Variants in CENPF observed in about 807,000 individuals in gnomAD.
The protein encoded by CENPF is AH antigen.
In CENPF, 214 loss-of-function variants were observed where a neutral mutation model predicts 307.3. That is an observed-to-expected ratio of 0.70 (90% CI 0.62 to 0.78). The LOEUF is 0.78. CENPF is among the 30% of genes least tolerant of loss of function. CENPF has a pLI of 0.00. For synonymous variants in CENPF, 1,259 were observed against 1,270.6 expected (o/e 0.99, Z 0.19); for missense variants, 3,401 against 3,483.9 (o/e 0.98, Z 0.60).
At chr1:214,636,544 G>A (rs373251868) in intron 10 of CENPF, among the ~76,000 whole-genome samples, 1 of 152,146 alleles carries the variant, frequency 6.6e-6, no homozygotes, top group Admixed American at 6.5e-5. Flanking sequence ...CATGAACGGA[G>A]CAGCTGCCAG....
At chr1:214,608,888 C>T (rs1200586645) in intron 1 of CENPF, 312 of 1,431,266 alleles carry the variant, frequency 2.2e-4, no homozygotes, top group Non-Finnish European at 2.8e-4. Flanking sequence ...CAGCCAACAA[C>T]GCCGCCCGGC....
At chr1:214,613,340 CT>C in intron 1 of CENPF, 1 of 243,652 alleles carries the variant, frequency 4.1e-6, no homozygotes. Flanking sequence ...TCTTCGAGTT[CT>C]TCCATCAGTT....
rs1416969250 is a variant in CENPF, at chr1:214,656,002, G to A, written c.8485+599G>A. 5.9e-5 allele frequency among the ~76,000 whole-genome samples: 9 copies of A among 152,200 alleles called. No individual in the cohort carries two copies. The East Asian group carries it at 9.6e-4, about 16-fold the overall frequency. ...CATTCTAAGAAGAGTTTTTTATGTC[G>A]ATGTCCAGTTACGTGGTTTCTTTGT... On this transcript the variant is annotated intron_variant, in intron 17 of 19. Transcript: ENST00000366955.
Position 214,641,655 on chromosome 1 carries a change from T to G in CENPF, c.3317T>G (p.Val1106Gly), listed in dbSNP as rs755394404. ...AATCTGATGCTAGAGTTGGAGACAG[T>G]GCAGCAAGCTCTGAGATCTGAGATG... ...NQNLMLELET[V>G]QQALRSEMTD... Residue 1106 changes from valine (V) to glycine (G), a missense_variant, in exon 12 of 20, where the codon GTG (valine) becomes GGG (glycine). By Grantham distance (109) the Val-to-Gly change is moderately radical (BLOSUM62 -3). Transcript: ENST00000366955. 6.3e-7 allele frequency: 1 copy of G among 1,581,802 alleles called. No homozygotes were observed. Among genetic ancestry groups the G allele is most frequent in the East Asian group, 2.3e-5 (1 of 44,426 alleles).
intron 10 of CENPF, 95 bp from the exon 11 acceptor site, chr1:214,637,771 C>T (rs1418934926): frequency 2.4e-6 from 3 of 1,249,618 alleles, no homozygotes; most frequent in East Asian, 5.2e-5. Context: ...TAGTGAGATA[C>T]ACAAACAGTT....
In CENPF at chr1:214,616,831, CTTCCTCTTTCTTTCTTTCTTTCT is replaced by C. The variant is rs1558170780; in HGVS notation, c.360-1738_360-1716del. Among the ~76,000 whole-genome samples the C allele has an allele frequency of 2.5e-4, 37 of 145,410 alleles. 1 individual carries two copies. Among genetic ancestry groups the C allele is most frequent in the African/African-American group, 9.7e-4 (37 of 38,332 alleles). On this transcript the variant is annotated intron_variant, in intron 3 of 19. Coordinates refer to ENST00000366955, the MANE Select transcript of CENPF (RefSeq NM_016343.4). ...CTTTCCTTCCTTCCTTCTTTCCTTC[CTTCCTCTTTCTTTCTTTCTTTCT>C]TTCTTTCTTTCTTTCTTTCTTTCTT...
chr1:214,656,957 A>G lies in CENPF; in HGVS notation c.8510A>G (p.Asp2837Gly). 6.2e-7 allele frequency: 1 copy of G among 1,610,150 alleles called. No homozygotes were observed. Among genetic ancestry groups the G allele is most frequent in the Middle Eastern group, 1.7e-4 (1 of 6,006 alleles). ...GGTACTGTTATGGATACCAAGGTCG[A>G]TGAATTAACAACTGAGATCAAAGAA... ...KTGTVMDTKVDELTTEIKELK... is the reference protein window; with the variant it reads ...KTGTVMDTKVGELTTEIKELK... Residue 2837 changes from aspartate (D) to glycine (G), a missense_variant, in exon 18 of 20, where the codon GAT becomes GGT. Transcript: ENST00000366955.
At position 214,615,352 on chromosome 1, in the gene CENPF, A is replaced by G. The variant is rs559048385; in HGVS notation, c.359+324A>G. ...TGGTCACTGAGTAATACAATAATAA[A>G]TAGTACTATCATACTATCAAATTGA... On this transcript the variant is annotated intron_variant, in intron 3 of 19. Coordinates refer to ENST00000366955, the MANE Select transcript of CENPF (RefSeq NM_016343.4). Among the ~76,000 whole-genome samples, 5 of 152,310 alleles carry G rather than the reference A, an allele frequency of 3.3e-5. No individual in the cohort carries two copies. The South Asian group carries it at 1.0e-3, about 32-fold the overall frequency.
At position 214,646,950 on chromosome 1, in the gene CENPF, C is replaced by A. The variant is rs1658323749; in HGVS notation, c.7380C>A (p.Asp2460Glu). The change falls in exon 13 of 20, where the codon GAC becomes GAA. Residue 2460 changes from aspartate to glutamate, a missense_variant. Coordinates refer to ENST00000366955, the MANE Select transcript of CENPF (RefSeq NM_016343.4). ...AGAGAGTGGCAGCCCTGCATAATGA[C>A]CAAGAAGCCTGTAAGGCCAAAGAGC... The part of the protein sequence containing the change: ...LNERVAALHN[D>E]QEACKAKEQN... The A allele has an allele frequency of 4.3e-6, 7 of 1,613,982 alleles. No individual in the cohort carries two copies. The highest frequency in any genetic ancestry group is 5.1e-6 in the Non-Finnish European group (6 of 1,179,950).
rs1658282825 is a variant in CENPF at position 214,645,911 on chromosome 1, T to A, written c.6341T>A (p.Val2114Glu). ...ALRLSSTQEEVHQLRRGIEKL... is the reference protein window; with the variant it reads ...ALRLSSTQEEEHQLRRGIEKL... ...AGGCTGAGCTCAACACAGGAGGAAG[T>A]GCATCAGCTGAGAAGAGGCATCGAG... The change falls in exon 13 of 20, where the codon GTG becomes GAG. Residue 2114 changes from valine to glutamate, a missense_variant. Physicochemically the swap from Val to Glu is moderately radical, Grantham distance 121 (BLOSUM62 -2). Transcript: ENST00000366955. The A allele has an allele frequency of 3.1e-6, 5 of 1,614,004 alleles. No individual in the cohort carries two copies. The highest frequency in any genetic ancestry group is 3.4e-6 in the Non-Finnish European group (4 of 1,180,002).
At position 214,645,274 on chromosome 1, in the gene CENPF, A is replaced by G; in HGVS notation, c.5704A>G (p.Asn1902Asp). 6.2e-7 allele frequency: 1 copy of G among 1,614,096 alleles called. No individual in the cohort carries two copies. The highest frequency in any genetic ancestry group is 8.5e-7 in the Non-Finnish European group (1 of 1,180,012). Residue 1902 changes from asparagine (N) to aspartate (D), a missense_variant, in exon 13 of 20, where the codon AAT becomes GAT. Asn to Asp is a conservative substitution (Grantham distance 23, BLOSUM62 1). Coordinates refer to ENST00000366955, the MANE Select transcript of CENPF (RefSeq NM_016343.4). Reference sequence around the variant, plus strand: ...GAAGGAGAGATTTCTTGATGTGGAAAATGAGCTGAGTAGGATCAGATCGGA... The same window carrying G: ...GAAGGAGAGATTTCTTGATGTGGAAGATGAGCTGAGTAGGATCAGATCGGA... Reference protein sequence around the residue: ...SWKERFLDVENELSRIRSEKA... With the variant: ...SWKERFLDVEDELSRIRSEKA...
At chr1:214,616,737 A>C (rs1003354156) in intron 3 of CENPF, among the ~76,000 whole-genome samples, 2 of 152,136 alleles carry the variant, frequency 1.3e-5, no homozygotes, top group African/African-American at 4.8e-5. Flanking sequence ...TAGCTCATAC[A>C]TTGCCTCTTC....
chr1:214,637,990 A>G lies in CENPF; in HGVS notation c.1571A>G (p.Glu524Gly). 6.2e-7 allele frequency: 1 copy of G among 1,608,852 alleles called. No individual in the cohort carries two copies. The highest frequency in any genetic ancestry group is 8.5e-7 in the Non-Finnish European group (1 of 1,178,858). ...QCLNQSQNFA[E>G]EMKAKNTSQE... The stretch of plus-strand genomic sequence containing the variant: ...TTAAATCAGAGCCAGAATTTTGCAG[A>G]AGAAATGAAAGGTAAGTAAACTTAG... The change falls in exon 11 of 20, where the codon GAA becomes GGA. Residue 524 changes from glutamate (E) to glycine (G), a missense_variant. Glu to Gly is a moderately conservative substitution (Grantham distance 98, BLOSUM62 -2). Transcript: ENST00000366955.
At position 214,632,512 on chromosome 1, in the gene CENPF, T is replaced by A. The variant is rs1657835960; in HGVS notation, c.1356T>A (p.Asn452Lys). 1.9e-6 allele frequency: 3 copies of A among 1,613,774 alleles called. No individual in the cohort carries two copies. The highest frequency in any genetic ancestry group is 2.2e-5 in the East Asian group (1 of 44,874). The change falls in exon 10 of 20, where the codon AAT (asparagine) becomes AAA (lysine). Residue 452 changes from asparagine to lysine, a missense_variant. Coordinates refer to ENST00000366955, the MANE Select transcript of CENPF (RefSeq NM_016343.4). ...LTSVKQQLEN[N>K]LEEFKQKLCR... is the part of the protein sequence containing the mutation. ...CAGTAAAGCAACAGCTAGAAAACAA[T>A]TTGGAAGAGTTTAAGCAAAAGTTGT...
intron 11 of CENPF, among the ~76,000 whole-genome samples, chr1:214,638,458 CTGAA>C: frequency 6.6e-6 from 1 of 152,296 alleles, no homozygotes; most frequent in East Asian, 1.9e-4. Context: ...ACTTACTTGA[CTGAA>C]TGATTTTATT....
At chr1:214,628,795 C>A (rs1020488690) in intron 7 of CENPF, among the ~76,000 whole-genome samples, 1 of 152,188 alleles carries the variant, frequency 6.6e-6, no homozygotes, top group African/African-American at 2.4e-5. Flanking sequence ...AGGCTAACAC[C>A]ATTGCATTTT....
intron 1 of CENPF, chr1:214,608,778 G>T: frequency 6.2e-7 from 1 of 1,600,884 alleles, no homozygotes; most frequent in Non-Finnish European, 8.5e-7. Flanking sequence ...TGGCAGCGAT[G>T]CGGCCGGGGC....
chr1:214,648,861 TG>T, intron 14 of CENPF, 34 bp downstream of exon 14: 1 of 1,602,240 alleles, frequency 6.2e-7, no homozygotes, highest in Non-Finnish European at 8.5e-7. Context: ...TATTATGATC[TG>T]TTAATTCATT....
At position 214,641,190 on chromosome 1, in the gene CENPF, T is replaced by A. The variant is rs1242570533; in HGVS notation, c.2852T>A (p.Leu951Gln). The A allele has an allele frequency of 1.1e-5, 18 of 1,607,288 alleles. No individual in the cohort carries two copies. Among genetic ancestry groups the A allele is most frequent in the Non-Finnish European group, 1.5e-5 (18 of 1,178,352 alleles). ...GAGCTACAACTTTTATCCGAAACCC[T>A]AAGCTTGGAGAAGAAAGAAATGAGT... ...LKELQLLSET[L>Q]SLEKKEMSSI... The change falls in exon 12 of 20, where the codon CTA becomes CAA. Residue 951 changes from leucine (L) to glutamine (Q), a missense_variant. Transcript: ENST00000366955.
Sources: gnomAD v4.1 joint callset for allele counts (sites outside exome capture counted in the v4.1 genomes callset) on GRCh38, gnomAD v4.1.1 for gene constraint, MANE v1.5 for transcripts, NCBI Gene and HGNC (gene_info 2026-07-23, HGNC 2026-07-21) for gene names.